NAALADL2: variants seen among roughly 807,000 people sequenced by gnomAD.
NAALADL2 encodes N-acetylated alpha-linked acidic dipeptidase like 2.
Under a neutral mutation model 87.2 loss-of-function variants are expected in NAALADL2, and 76 were observed. The observed-to-expected ratio is 0.87, with a 90% CI of 0.72 to 1.05. The LOEUF is 1.05. Ranked by LOEUF, NAALADL2 falls within the 50% of genes least tolerant of loss-of-function variation. The probability of loss-of-function intolerance (pLI) is 0.00; values close to 1 mark genes in which losing one functional copy is unlikely to be tolerated. For missense variants in NAALADL2, 1,089 were observed against 945.8 expected (o/e 1.15, Z -1.99); for synonymous variants, 354 against 331.0 (o/e 1.07, Z -0.75).
chr3:175,178,999 G>A lies in NAALADL2; in HGVS notation c.546-54932G>A, dbSNP rs138364656. On this transcript the variant is annotated intron_variant, in intron 2 of 13. Transcript: ENST00000454872. ...ATTCTTACAGACACTCTTCACCAGC[G>A]TTTACCAAACTATTCTTCTGCCTAG... 1.7e-4 allele frequency among the ~76,000 whole-genome samples: 26 copies of A among 152,046 alleles called. 1 individual carries two copies. Among genetic ancestry groups the A allele is most frequent in the Admixed American group, 1.5e-3 (23 of 15,208 alleles).
Position 174,664,574 on chromosome 3 carries a change from G to A in NAALADL2, c.-114-73067G>A, listed in dbSNP as rs556325864. On this transcript the variant is annotated intron_variant, in intron 2 of 3. Transcript: ENST00000434257. ...TTAAAAATAGAGTGCTTTCTTGCTG[G>A]CATCAGTTAAATACATTATGTGTTT... 1.4e-4 allele frequency among the ~76,000 whole-genome samples: 22 copies of A among 152,178 alleles called. No individual in the cohort carries two copies. The South Asian group carries it at 4.6e-3, about 32-fold the overall frequency.
intron 1 of NAALADL2, among the ~76,000 whole-genome samples, chr3:174,534,653 T>G (rs948592478): frequency 3.3e-5 from 5 of 152,172 alleles, no homozygotes; most frequent in African/African-American, 7.2e-5. Context: ...TCTGACTGGC[T>G]AGCTATGGCT....
chr3:174,649,505 T>C (rs73882472), intron 2 of NAALADL2, among the ~76,000 whole-genome samples: 2,394 of 152,278 alleles, frequency 0.016, 69 homozygotes, highest in African/African-American at 0.055. Context: ...TCATTTTCAA[T>C]ACTCTTCCTC....
intron 3 of NAALADL2, among the ~76,000 whole-genome samples, chr3:174,753,778 A>G (rs1711583660): frequency 6.6e-6 from 1 of 152,120 alleles, no homozygotes; most frequent in Non-Finnish European, 1.5e-5. Context: ...CCAAATTCAT[A>G]TGTTGAAGTC....
At chr3:174,895,828 T>C (rs1030514727) in intron 1 of NAALADL2, among the ~76,000 whole-genome samples, 1 of 151,994 alleles carries the variant, frequency 6.6e-6, no homozygotes, top group Non-Finnish European at 1.5e-5. Context: ...CAGCAACACA[T>C]TAGAAAGATC....
chr3:174,599,599 A>C (rs1718247770), intron 2 of NAALADL2, among the ~76,000 whole-genome samples: 1 of 152,196 alleles, frequency 6.6e-6, no homozygotes, highest in African/African-American at 2.4e-5. Flanking sequence ...GATCATTAGA[A>C]ATACTGATAC....
chr3:175,041,676 A>G (rs114238313), intron 1 of NAALADL2, among the ~76,000 whole-genome samples: 1,815 of 152,206 alleles, frequency 0.012, 36 homozygotes, highest in African/African-American at 0.042. Context: ...CATTCCTTCT[A>G]TGCTTTATGT....
chr3:174,479,565 G>T (rs1717429637), intron 1 of NAALADL2, among the ~76,000 whole-genome samples: 1 of 152,054 alleles, frequency 6.6e-6, no homozygotes, highest in African/African-American at 2.4e-5. Context: ...GGTGCAGGTT[G>T]GGGATAAGGA....
At chr3:175,797,997 TTAAG>T (rs1753713080) in intron 13 of NAALADL2, among the ~76,000 whole-genome samples, 1 of 152,022 alleles carries the variant, frequency 6.6e-6, no homozygotes, top group Non-Finnish European at 1.5e-5. Context: ...AACCTTCCAT[TTAAG>T]TATTAAAAGT....
rs145872376 is a variant in NAALADL2, at chr3:175,110,685, C to A, written c.545+13394C>A. Among the ~76,000 whole-genome samples, 84 of 151,768 alleles carry A rather than the reference C, an allele frequency of 5.5e-4. No homozygotes were observed. The East Asian group carries it at 9.0e-3, about 16-fold the overall frequency. ...TTATTTTTCTGTTTGGGAATCAGAGCAAATTGAATAACAAAGAGTACTGAT... is the reference window on the plus strand; with the variant it reads ...TTATTTTTCTGTTTGGGAATCAGAGAAAATTGAATAACAAAGAGTACTGAT... On this transcript the variant is annotated intron_variant, in intron 2 of 13. Coordinates refer to ENST00000454872, the MANE Select transcript of NAALADL2 (RefSeq NM_207015.3).
Position 175,281,023 on chromosome 3 carries a change from T to A in NAALADL2, c.939+24493T>A, listed in dbSNP as rs141666883. Among the ~76,000 whole-genome samples the A allele has an allele frequency of 2.0e-3, 305 of 151,962 alleles. 1 individual carries two copies. Among genetic ancestry groups the A allele is most frequent in the African/African-American group, 7.2e-3 (297 of 41,502 alleles). Reference sequence around the variant, plus strand: ...TCTGCATTTTAATAAGTTCCCCAGGTCATTGATGTGTACATTAACATTTGA... The same window carrying A: ...TCTGCATTTTAATAAGTTCCCCAGGACATTGATGTGTACATTAACATTTGA... On this transcript the variant is annotated intron_variant, in intron 4 of 13. Coordinates refer to ENST00000454872, the MANE Select transcript of NAALADL2 (RefSeq NM_207015.3).
At chr3:175,087,096 C>T (rs1719110929) in intron 1 of NAALADL2, among the ~76,000 whole-genome samples, 1 of 152,164 alleles carries the variant, frequency 6.6e-6, no homozygotes, top group African/African-American at 2.4e-5. Flanking sequence ...TATCTTGAGA[C>T]ATAGGTATAT....
intron 4 of NAALADL2, among the ~76,000 whole-genome samples, chr3:175,280,464 C>G (rs909459856): frequency 6.6e-6 from 1 of 152,028 alleles, no homozygotes; most frequent in African/African-American, 2.4e-5. Context: ...ATTATACATT[C>G]GTAGTAAACT....
intron 9 of NAALADL2, among the ~76,000 whole-genome samples, chr3:175,566,600 C>T (rs746471962): frequency 2.1e-4 from 14 of 65,820 alleles, no homozygotes; most frequent in South Asian, 1.4e-3. Flanking sequence ...CAGTATGAGG[C>T]GCCAGATTTC....
intron 2 of NAALADL2, among the ~76,000 whole-genome samples, chr3:174,620,069 A>G (rs1235730307): frequency 6.6e-6 from 1 of 151,950 alleles, no homozygotes; most frequent in Non-Finnish European, 1.5e-5. Flanking sequence ...ACTTTATATT[A>G]CAAAGTACCC....
intron 5 of NAALADL2, among the ~76,000 whole-genome samples, chr3:175,446,012 T>A (rs906973093): frequency 6.6e-6 from 1 of 152,198 alleles, no homozygotes; most frequent in Admixed American, 6.5e-5. Flanking sequence ...ATTAAGTTGA[T>A]TTGAAGTTCT....
intron 1 of NAALADL2, among the ~76,000 whole-genome samples, chr3:174,507,284 A>G (rs1024078246): frequency 6.6e-6 from 1 of 152,156 alleles, no homozygotes; most frequent in Non-Finnish European, 1.5e-5. Flanking sequence ...GATGTTTTCA[A>G]GCTATGCTCT....
At chr3:174,658,842 T>C (rs558742361) in intron 2 of NAALADL2, among the ~76,000 whole-genome samples, 2 of 152,308 alleles carry the variant, frequency 1.3e-5, no homozygotes, top group African/African-American at 4.8e-5. Flanking sequence ...ACTAATGGTA[T>C]CTTGAAGTTG....
intron 1 of NAALADL2, among the ~76,000 whole-genome samples, chr3:174,872,178 T>A (rs1361286763): frequency 6.6e-6 from 1 of 152,166 alleles, no homozygotes; most frequent in Non-Finnish European, 1.5e-5. Context: ...TATTCTAACA[T>A]CTATGATGCT....
Sources: gnomAD v4.1 joint callset for allele counts (sites outside exome capture counted in the v4.1 genomes callset) on GRCh38, gnomAD v4.1.1 for gene constraint, MANE v1.5 for transcripts, NCBI Gene and HGNC (gene_info 2026-07-23, HGNC 2026-07-21) for gene names.